SVIL: variants seen among roughly 807,000 people sequenced by gnomAD.
The protein encoded by SVIL is archvillin.
A neutral mutation model predicts 240.4 loss-of-function variants in SVIL; 101 were observed. The ratio of observed to expected loss-of-function variants is 0.42; its 90% CI spans 0.36 to 0.50. The LOEUF is 0.50. Among genes scored for constraint, SVIL ranks in the 20% least tolerant of loss-of-function variants. The probability of loss-of-function intolerance (pLI) is 0.01; values close to 1 mark genes in which losing one functional copy is unlikely to be tolerated. For synonymous variants in SVIL, 999 were observed against 1,100.0 expected (o/e 0.91, Z 1.82); for missense variants, 2,512 against 2,818.7 (o/e 0.89, Z 2.46).
intron 2 of SVIL, among the ~76,000 whole-genome samples, chr10:29,664,725 T>C (rs1017313696): frequency 3.3e-5 from 5 of 152,122 alleles, no homozygotes; most frequent in Admixed American, 2.0e-4. Flanking sequence ...CATACATATA[T>C]GGATGCATAC....
chr10:29,598,602 G>A (rs770943364), intron 1 of SVIL, among the ~76,000 whole-genome samples: 2 of 152,156 alleles, frequency 1.3e-5, no homozygotes, highest in Admixed American at 6.5e-5. Context: ...ATGCAGTTAC[G>A]GCTGCCCCCA....
intron 3 of SVIL, among the ~76,000 whole-genome samples, chr10:29,560,484 A>G (rs895261444): frequency 4.6e-5 from 7 of 152,240 alleles, no homozygotes; most frequent in African/African-American, 1.7e-4. Context: ...TAAACGTTAC[A>G]TAGGTAAAGA....
chr10:29,463,825 C>A (rs1341397719), intron 34 of SVIL, among the ~76,000 whole-genome samples, 190 bp from the exon 35 acceptor site: 2 of 152,200 alleles, frequency 1.3e-5, no homozygotes, highest in Admixed American at 6.5e-5. Context: ...TTTGACAGTT[C>A]AACGGGGAGA....
In SVIL at chr10:29,584,724, G is replaced by A. The variant is rs187327750; in HGVS notation, c.-200-15412C>T. On this transcript the variant is annotated intron_variant, in intron 1 of 37. Coordinates refer to ENST00000355867, the MANE Select transcript of SVIL (RefSeq NM_021738.3). ...GCAAGACAGCCACCCACATTCAGAC[G>A]GAACGTGCTGTGGGCCCAGCCAGGG... 2.1e-3 allele frequency among the ~76,000 whole-genome samples: 320 copies of A among 152,252 alleles called. 3 individuals are homozygous for A. Among genetic ancestry groups the A allele is most frequent in the South Asian group, 0.018 (88 of 4,822 alleles).
rs775400710 is a variant in SVIL, at chr10:29,494,924, C to T, written c.3831G>A (p.Leu1277=). 15 of 1,613,850 alleles carry T rather than the reference C, an allele frequency of 9.3e-6. No individual in the cohort carries two copies. In the Admixed American group the frequency reaches 1.0e-4, roughly 11 times the overall value. ...GCTTCCAGTAGGTACCTTTGTTATT[C>T]AGCCTTCTTAGAAAGGTTTCCAGCC... The part of the protein sequence containing the change: ...LDRLETFLRR[L]NNKVGGMHET... Residue 1277 remains leucine (L), a synonymous_variant, in exon 20 of 38, where the codon CTG becomes CTA. Transcript: ENST00000355867.
At chr10:29,711,474 T>C (rs973103382) in intron 1 of SVIL, among the ~76,000 whole-genome samples, 1 of 150,588 alleles carries the variant, frequency 6.6e-6, no homozygotes, top group Admixed American at 6.7e-5. Context: ...AAATGCGCCA[T>C]GACTGGACAG....
chr10:29,692,411 C>T (rs888758592), intron 1 of SVIL, among the ~76,000 whole-genome samples: 7 of 152,204 alleles, frequency 4.6e-5, no homozygotes, highest in Admixed American at 4.6e-4. Context: ...AGTTTAATCT[C>T]TCAAAACCTC....
intron 2 of SVIL, among the ~76,000 whole-genome samples, 173 bp downstream of exon 2, chr10:29,569,082 A>T (rs947091567): frequency 4.6e-5 from 7 of 152,240 alleles, no homozygotes; most frequent in Non-Finnish European, 7.3e-5. Flanking sequence ...AGTTTCCATA[A>T]GCAGAATTAA....
intron 29 of SVIL, among the ~76,000 whole-genome samples, 187 bp downstream of exon 29, chr10:29,480,350 T>C (rs1564482484): frequency 6.6e-6 from 1 of 152,186 alleles, no homozygotes; most frequent in African/African-American, 2.4e-5. Flanking sequence ...TGCTAGGTTG[T>C]TAGGAATTCG....
chr10:29,464,462 A>T (rs968770668), intron 34 of SVIL, among the ~76,000 whole-genome samples: 8 of 152,064 alleles, frequency 5.3e-5, no homozygotes, highest in African/African-American at 1.9e-4. Flanking sequence ...AAAAGGAAAT[A>T]AAAATCAAAA....
At chr10:29,607,447 T>C (rs1037789715) in intron 1 of SVIL, among the ~76,000 whole-genome samples, 2 of 152,240 alleles carry the variant, frequency 1.3e-5, no homozygotes, top group Non-Finnish European at 2.9e-5. Context: ...ATAAATTAAC[T>C]TAGGAAGAAT....
At chr10:29,684,159 A>C (rs147768087) in intron 2 of SVIL, among the ~76,000 whole-genome samples, 2 of 152,012 alleles carry the variant, frequency 1.3e-5, no homozygotes, top group East Asian at 3.9e-4. Context: ...AGTTTGACCA[A>C]CTCCAGTTCA....
intron 2 of SVIL, among the ~76,000 whole-genome samples, chr10:29,675,958 G>A (rs929454492): frequency 3.9e-5 from 6 of 152,084 alleles, no homozygotes; most frequent in Non-Finnish European, 7.4e-5. Flanking sequence ...TCAGTCCTCT[G>A]AGATAGTATC....
rs563758366 is a variant in SVIL at position 29,525,007 on chromosome 10, A to G, written c.2343-292T>C. ...TCAGCTTGGCTATACCTTATCTTAG[A>G]CAGAGAGGCGGCATTGTTAGTATCG... On this transcript the variant is annotated intron_variant, in intron 13 of 37. Coordinates refer to ENST00000355867, the MANE Select transcript of SVIL (RefSeq NM_021738.3). Among the ~76,000 whole-genome samples, 3 of 152,268 alleles carry G rather than the reference A, an allele frequency of 2.0e-5. No homozygotes were observed. In the East Asian group the frequency reaches 5.8e-4, roughly 29 times the overall value.
At chr10:29,583,309 A>AT (rs1395097691) in intron 1 of SVIL, among the ~76,000 whole-genome samples, 1 of 151,934 alleles carries the variant, frequency 6.6e-6, no homozygotes, top group Non-Finnish European at 1.5e-5. Flanking sequence ...GTTATTTTTT[A>AT]TTTTTTGAGA....
intron 35 of SVIL, 54 bp downstream of exon 35, chr10:29,463,438 C>G (rs2132275396): frequency 6.3e-7 from 1 of 1,581,632 alleles, no homozygotes; most frequent in Non-Finnish European, 8.6e-7. Context: ...CTGCGCATGC[C>G]TGAGGGGCTT....
At chr10:29,536,160 T>A in intron 6 of SVIL, 91 bp from the exon 7 acceptor site, 1 of 1,211,962 alleles carries the variant, frequency 8.3e-7, no homozygotes, top group Non-Finnish European at 1.2e-6. Context: ...TAAAGGCTGA[T>A]TTTTATTAAG....
chr10:29,720,356 A>G (rs1963898393), intron 1 of SVIL, among the ~76,000 whole-genome samples: 1 of 152,242 alleles, frequency 6.6e-6, no homozygotes, highest in Non-Finnish European at 1.5e-5. Context: ...AAAAATTGTC[A>G]ATCTATAATT....
chr10:29,535,120 A>T (rs1015454267), intron 7 of SVIL, among the ~76,000 whole-genome samples: 2 of 151,874 alleles, frequency 1.3e-5, no homozygotes, highest in Non-Finnish European at 1.5e-5. Flanking sequence ...ACTCCTATAT[A>T]TTTTTTTTAA....
Sources: allele counts gnomAD v4.1 joint callset (sites outside exome capture counted in the v4.1 genomes callset), GRCh38; gene constraint gnomAD v4.1.1; transcripts MANE v1.5; gene names NCBI Gene and HGNC (gene_info 2026-07-23, HGNC 2026-07-21).